Variants in ULK2 observed in about 807,000 individuals in gnomAD.
The protein encoded by ULK2 is serine/threonine-protein kinase ULK2.
ULK2 carries 76 observed loss-of-function variants against 127.5 expected under a neutral mutation model. The observed-to-expected ratio is 0.60, with a 90% CI of 0.50 to 0.72. The LOEUF (loss-of-function observed/expected upper bound fraction) is 0.72, where lower values mean the gene tolerates loss of function less well. ULK2 is among the 30% of genes least tolerant of loss of function. The probability of loss-of-function intolerance (pLI) is 0.00; values close to 1 mark genes in which losing one functional copy is unlikely to be tolerated. For synonymous variants in ULK2, 452 were observed against 461.9 expected, an observed-to-expected ratio of 0.98 and a Z score of 0.28; for missense variants, 1,144 against 1,295.9, an observed-to-expected ratio of 0.88 and a Z score of 1.80.
intron 24 of ULK2, 121 bp downstream of exon 24, chr17:19,780,865 C>G: frequency 9.2e-7 from 1 of 1,086,324 alleles, no homozygotes; most frequent in South Asian, 1.6e-5. Flanking sequence ...CATCTTTTCC[C>G]TTTAAGAATA....
At chr17:19,805,693 A>T (rs954755618) in intron 14 of ULK2, among the ~76,000 whole-genome samples, 1 of 152,200 alleles carries the variant, frequency 6.6e-6, no homozygotes, top group African/African-American at 2.4e-5. Flanking sequence ...ATATAAGCAG[A>T]AGTCTTCTAC....
intron 3 of ULK2, among the ~76,000 whole-genome samples, chr17:19,856,892 G>GTGTCAAC (rs2042142100): frequency 7.4e-6 from 1 of 134,978 alleles, no homozygotes; most frequent in Admixed American, 8.0e-5. Context: ...TGGGAGAATA[G>GTGTCAAC]TGTCAACCCA....
chr17:19,859,173 T>C (rs535944918), intron 3 of ULK2, among the ~76,000 whole-genome samples: 5 of 152,212 alleles, frequency 3.3e-5, no homozygotes, highest in Non-Finnish European at 5.9e-5. Flanking sequence ...ATTTTCCTAG[T>C]GTGAGATTAT....
chr17:19,783,572 A>G (rs2086964466), intron 22 of ULK2, 125 bp downstream of exon 22: 1 of 997,412 alleles, frequency 1.0e-6, no homozygotes, highest in African/African-American at 1.7e-5. Flanking sequence ...TACTTTTCAA[A>G]CAGAAAAGGC....
chr17:19,846,611 G>C, intron 6 of ULK2, 126 bp downstream of exon 6: 1 of 1,116,936 alleles, frequency 9.0e-7, no homozygotes. Flanking sequence ...CTACACGCCA[G>C]CCTGAGCAAC....
At chr17:19,855,525 G>A (rs2042107428) in intron 3 of ULK2, among the ~76,000 whole-genome samples, 1 of 148,814 alleles carries the variant, frequency 6.7e-6, no homozygotes, top group Admixed American at 6.8e-5. Context: ...ACTTGAATCC[G>A]AGAGGCGGAG....
rs2087265995 is a variant in ULK2 at position 19,796,161 on chromosome 17, T to C, written c.1931A>G (p.His644Arg). 9 of 1,614,086 alleles carry C rather than the reference T, an allele frequency of 5.6e-6. No individual in the cohort carries two copies. The highest frequency in any genetic ancestry group is 6.8e-6 in the Non-Finnish European group (8 of 1,180,038). ...CTCACTTCCTTGCACTAAGAGGCAA[T>C]GGGCACATTCCCGTGGCTCATTCCC... ...KDGNEPRECAHCLLVQGSERQ... is the reference protein window; with the variant it reads ...KDGNEPRECARCLLVQGSERQ... Residue 644 changes from histidine (H) to arginine (R), a missense_variant, in exon 19 of 27, where the codon CAT becomes CGT. Transcript: ENST00000395544.
chr17:19,854,031 G>A (rs929305266), intron 3 of ULK2, among the ~76,000 whole-genome samples: 1 of 152,042 alleles, frequency 6.6e-6, no homozygotes, highest in Admixed American at 6.6e-5. Flanking sequence ...AGGCACAGTG[G>A]CTCACACCTG....
At chr17:19,832,707 C>G (rs2041489838) in intron 10 of ULK2, among the ~76,000 whole-genome samples, 2 of 152,162 alleles carry the variant, frequency 1.3e-5, no homozygotes, top group Admixed American at 6.5e-5. Context: ...CCCTAGGAAA[C>G]TGGGCTTTAC....
Position 19,867,525 on chromosome 17 carries a change from G to T in ULK2, c.-108C>A, listed in dbSNP as rs2042381615. ...AGCGCGCCAGCGTGCGGCGGGTCTG[G>T]GGCAGCCGCAGCCCCGGGCCCGGGC... On this transcript the variant is annotated 5_prime_UTR_variant, in exon 1 of 27. Coordinates refer to ENST00000395544, the MANE Select transcript of ULK2 (RefSeq NM_014683.4). 1 of 705,572 alleles carries T rather than the reference G, an allele frequency of 1.4e-6. No individual in the cohort carries two copies. The allele number at this position is 705,572 out of a possible 1,614,324, so 43.7% of individuals were successfully genotyped here.
At chr17:19,852,372 T>G (rs2042036276) in intron 3 of ULK2, among the ~76,000 whole-genome samples, 1 of 145,964 alleles carries the variant, frequency 6.9e-6, no homozygotes, top group Non-Finnish European at 1.5e-5. Context: ...ATACAAAAAG[T>G]TAGCTGGGCA....
rs1475086997 is a variant in ULK2, at chr17:19,775,642, A to T, written c.*707T>A. ...CACTTAAAAGTTCACTGGAGATTACATGTGAATTCTGGAAAGGGTCTATGT... is the reference window on the plus strand; with the variant it reads ...CACTTAAAAGTTCACTGGAGATTACTTGTGAATTCTGGAAAGGGTCTATGT... On this transcript the variant is annotated 3_prime_UTR_variant, in exon 27 of 27. Transcript: ENST00000395544. 6.6e-6 allele frequency: 1 copy of T among 152,644 alleles called. No individual in the cohort carries two copies. The highest frequency in any genetic ancestry group is 2.4e-5 in the African/African-American group (1 of 41,448). 9.5% of individuals were successfully genotyped at this position (152,644 alleles called of 1,614,324 possible).
At chr17:19,823,399 A>G (rs2041209264) in intron 12 of ULK2, among the ~76,000 whole-genome samples, 1 of 151,952 alleles carries the variant, frequency 6.6e-6, no homozygotes, top group African/African-American at 2.4e-5. Context: ...CTCTCCAGTC[A>G]AAGAAAATTT....
chr17:19,817,989 G>A (rs1023508814), intron 12 of ULK2, among the ~76,000 whole-genome samples: 8 of 152,162 alleles, frequency 5.3e-5, no homozygotes, highest in South Asian at 2.1e-4. Flanking sequence ...TCAACCATGC[G>A]CTAGGCACTG....
intron 10 of ULK2, among the ~76,000 whole-genome samples, chr17:19,829,233 G>C (rs1411032350): frequency 1.3e-5 from 2 of 152,032 alleles, no homozygotes; most frequent in Non-Finnish European, 2.9e-5. Context: ...TGTTATAAAA[G>C]ACAAAAAGTA....
chr17:19,851,625 A>G lies in ULK2; in HGVS notation c.226-1851T>C, dbSNP rs533853280. Among the ~76,000 whole-genome samples the G allele has an allele frequency of 2.6e-5, 4 of 151,292 alleles. No homozygotes were observed. The South Asian group carries it at 8.4e-4, about 32-fold the overall frequency. ...ACTGCACTCCAGCCTAGGCAACAGAATAAGACCCCATCACAAAATAAATAA... is the reference window on the plus strand; with the variant it reads ...ACTGCACTCCAGCCTAGGCAACAGAGTAAGACCCCATCACAAAATAAATAA... On this transcript the variant is annotated intron_variant, in intron 3 of 26. Coordinates refer to ENST00000395544, the MANE Select transcript of ULK2 (RefSeq NM_014683.4).
rs1410659415 is a variant in ULK2 at position 19,837,058 on chromosome 17, T to C, written c.787+1443A>G. On this transcript the variant is annotated intron_variant, in intron 10 of 26. Transcript: ENST00000395544. ...CTACGATCACACCACTGCATTCCAG[T>C]CCAGCCTGGGTAACAGAGTGAGGCC... 2.0e-5 allele frequency among the ~76,000 whole-genome samples: 3 copies of C among 150,732 alleles called. No homozygotes were observed. In the East Asian group the frequency reaches 5.9e-4, roughly 29 times the overall value.
At position 19,801,872 on chromosome 17, in the gene ULK2, G is replaced by T; in HGVS notation, c.1346C>A (p.Pro449Gln). 3.7e-6 allele frequency: 6 copies of T among 1,614,082 alleles called. No individual in the cohort carries two copies. Among genetic ancestry groups the T allele is most frequent in the South Asian group, 1.1e-5 (1 of 91,052 alleles). The change falls in exon 16 of 27, where the codon CCG becomes CAG. Residue 449 changes from proline to glutamine, a missense_variant. Transcript: ENST00000395544. Reference sequence around the variant, plus strand: ...TGCTGGTACTGGGGAGCATGATCCCGGCCGGAGGAAGCCCATGGGGCTGGT... The same window carrying T: ...TGCTGGTACTGGGGAGCATGATCCCTGCCGGAGGAAGCCCATGGGGCTGGT... ...SNTSPMGFLR[P>Q]GSCSPVPADT...
intron 15 of ULK2, 53 bp from the exon 16 acceptor site, chr17:19,801,975 C>T (rs1009432460): frequency 1.2e-5 from 18 of 1,519,466 alleles, no homozygotes; most frequent in African/African-American, 2.8e-5. Context: ...TCTTTTTATT[C>T]CTGCATTTTC....
Sources: allele counts gnomAD v4.1 joint callset (sites outside exome capture counted in the v4.1 genomes callset), GRCh38; gene constraint gnomAD v4.1.1; transcripts MANE v1.5; gene names NCBI Gene and HGNC (gene_info 2026-07-23, HGNC 2026-07-21).